DRC9: variants seen among roughly 807,000 people sequenced by gnomAD.
DRC9 encodes the protein dynein regulatory complex subunit 9.
At chr3:197,906,512 A>T in the DRC9 span, 1 of 152,122 alleles carries the variant, frequency 6.6e-6, no homozygotes, top group Non-Finnish European at 1.5e-5. Flanking sequence ...AACTTTTAGT[A>T]AGGTATCTGT....
the DRC9 span, among the ~76,000 whole-genome samples, chr3:197,944,288 C>T: frequency 1.3e-4 from 19 of 146,746 alleles, no homozygotes; most frequent in South Asian, 3.0e-3. Context: ...GATGGAGTTT[C>T]GCTCTTGTTG....
chr3:197,895,172 A>AC, the DRC9 span, among the ~76,000 whole-genome samples: 1 of 152,202 alleles, frequency 6.6e-6, no homozygotes, highest in East Asian at 1.9e-4. Context: ...AAACAAACAA[A>AC]AAAAACAAAG....
the DRC9 span, among the ~76,000 whole-genome samples, chr3:197,928,863 C>T: frequency 6.6e-6 from 1 of 152,166 alleles, no homozygotes; most frequent in Admixed American, 6.5e-5. Context: ...CTACAGGCCC[C>T]CCAGAAAAGC....
chr3:197,951,101 C>G, the DRC9 span: 2 of 1,611,128 alleles, frequency 1.2e-6, no homozygotes, highest in Non-Finnish European at 1.7e-6. Context: ...GGGGTGATTA[C>G]AAGTCAGATT....
the DRC9 span, chr3:197,914,114 G>A: frequency 5.9e-5 from 78 of 1,320,768 alleles, no homozygotes; most frequent in Non-Finnish European, 7.6e-5. Flanking sequence ...AGCGGCTTAC[G>A]GTTCCCTTTT....
chr3:197,954,182 G>T, the DRC9 span: 3 of 1,607,426 alleles, frequency 1.9e-6, no homozygotes, highest in Non-Finnish European at 2.6e-6. Flanking sequence ...GACGTCTGAT[G>T]AATCAGACTA....
the DRC9 span, among the ~76,000 whole-genome samples, chr3:197,915,632 T>G: frequency 6.6e-6 from 1 of 152,064 alleles, no homozygotes; most frequent in African/African-American, 2.4e-5. Context: ...TTTCTTCTCT[T>G]TTTACATTTT....
chr3:197,914,059 A>G, the DRC9 span: 2 of 1,610,812 alleles, frequency 1.2e-6, no homozygotes, highest in Non-Finnish European at 1.7e-6. Context: ...TGGAAAGACC[A>G]GGTTTCTAAA....
the DRC9 span, chr3:197,956,848 A>G: frequency 1.3e-5 from 2 of 152,142 alleles, no homozygotes; most frequent in Non-Finnish European, 2.9e-5. Flanking sequence ...AGGTAGTACT[A>G]CATTTCTAAC....
At chr3:197,899,252 TA>T in the DRC9 span, among the ~76,000 whole-genome samples, 1 of 152,208 alleles carries the variant, frequency 6.6e-6, no homozygotes, top group Non-Finnish European at 1.5e-5. Flanking sequence ...AGGCATTAGC[TA>T]AAAAATAAAA....
chr3:197,901,632 G>A, the DRC9 span, among the ~76,000 whole-genome samples: 14 of 152,256 alleles, frequency 9.2e-5, no homozygotes, highest in Admixed American at 5.9e-4. The surrounding 1 kb of genome is among the most constrained non-coding windows in gnomAD (Gnocchi z 4.4). Flanking sequence ...CATGAGCAGC[G>A]GCTCCTCCGC....
chr3:197,908,584 A>C, the DRC9 span, among the ~76,000 whole-genome samples: 1 of 146,722 alleles, frequency 6.8e-6, no homozygotes, highest in Admixed American at 6.8e-5. Context: ...CTGAAGAGCA[A>C]GCAACCCTTT....
the DRC9 span, chr3:197,912,742 C>T: frequency 1.2e-6 from 2 of 1,613,384 alleles, no homozygotes; most frequent in Non-Finnish European, 1.7e-6. Context: ...GGTTTTCATC[C>T]TGAGTTTCTG....
chr3:197,908,596 C>G, the DRC9 span, among the ~76,000 whole-genome samples: 30 of 146,988 alleles, frequency 2.0e-4, no homozygotes, highest in South Asian at 4.4e-4. Context: ...CAACCCTTTC[C>G]AAGGCACCCT....
the DRC9 span, chr3:197,912,671 C>T: frequency 1.2e-6 from 2 of 1,611,840 alleles, no homozygotes; most frequent in Non-Finnish European, 1.7e-6. Flanking sequence ...CTGTGGGGAC[C>T]CACCTGCTGC....
chr3:197,931,262 A>T, the DRC9 span, among the ~76,000 whole-genome samples: 5 of 151,784 alleles, frequency 3.3e-5, no homozygotes, highest in Non-Finnish European at 2.9e-5. Context: ...TGGGTGGACC[A>T]CTTGCAGTCA....
the DRC9 span, among the ~76,000 whole-genome samples, chr3:197,954,870 C>G: frequency 6.6e-6 from 1 of 152,150 alleles, no homozygotes. Flanking sequence ...TAGAAAGCAA[C>G]AATTCAACAG....
At chr3:197,955,797 ATG>A in the DRC9 span, 1 of 1,582,310 alleles carries the variant, frequency 6.3e-7, no homozygotes, top group Non-Finnish European at 8.7e-7. Flanking sequence ...CAATAAATAA[ATG>A]TGGATTTGTG....
chr3:197,913,914 G>A, the DRC9 span: 2 of 1,614,072 alleles, frequency 1.2e-6, no homozygotes, highest in East Asian at 2.2e-5. Flanking sequence ...CCTCTGTTCT[G>A]TTACACTTTT....
Sources: allele counts gnomAD v4.1 joint callset (sites outside exome capture counted in the v4.1 genomes callset), GRCh38; gene constraint gnomAD v4.1.1; non-coding constraint Gnocchi (gnomAD v3.1); transcripts MANE v1.5; gene names NCBI Gene and HGNC (gene_info 2026-07-23, HGNC 2026-07-21).